Variants in ARRDC2 observed in about 807,000 individuals in gnomAD.
ARRDC2 encodes arrestin domain-containing protein 2.
Under a neutral mutation model 38.9 loss-of-function variants are expected in ARRDC2, and 39 were observed. The observed-to-expected ratio is 1.00, with a 90% confidence interval of 0.78 to 1.31. The LOEUF is 1.31. Ranked by LOEUF, ARRDC2 falls within the 50% of genes most tolerant of loss-of-function variation. The probability of loss-of-function intolerance (pLI) is 0.00; values close to 1 mark genes in which losing one functional copy is unlikely to be tolerated. For synonymous variants in ARRDC2, 300 were observed against 261.9 expected (o/e 1.15, Z -1.41); for missense variants, 553 against 588.4 (o/e 0.94, Z 0.62).
chr19:18,004,025 G>A (rs370501259), upstream of ARRDC2, among the ~76,000 whole-genome samples: 1 of 149,928 alleles, frequency 6.7e-6, no homozygotes, highest in Non-Finnish European at 1.5e-5. Context: ...CATCCACCTC[G>A]GCCTTCCAAA....
rs759683475 is a variant in ARRDC2 at position 18,012,916 on chromosome 19, G to T, written c.1174G>T (p.Asp392Tyr). 7 of 1,613,788 alleles carry T rather than the reference G, an allele frequency of 4.3e-6. No individual in the cohort carries two copies. Among genetic ancestry groups the T allele is most frequent in the Non-Finnish European group, 5.9e-6 (7 of 1,179,884 alleles). Residue 392 changes from aspartate (D) to tyrosine (Y), a missense_variant, in exon 8 of 8, where the codon GAT (aspartate) becomes TAT (tyrosine). Around this residue, in one of 3 missense-constraint regions of ARRDC2, gnomAD observed 100 missense variants for 107.6 expected, o/e 0.93. Transcript: ENST00000222250. ...TTAATGGGAACATTTCTCTTAGGAGGATCCAAACCCACTCTTGGGGGACAT... is the reference window on the plus strand; with the variant it reads ...TTAATGGGAACATTTCTCTTAGGAGTATCCAAACCCACTCTTGGGGGACAT... Reference protein sequence around the residue: ...YRPPPLYSEEDPNPLLGDMRP... With the variant: ...YRPPPLYSEEYPNPLLGDMRP...
In ARRDC2 at chr19:18,001,319, G is replaced by A. The variant is rs530160304; in HGVS notation, c.5G>A (p.Arg2His). Residue 2 changes from arginine to histidine, a missense_variant, in exon 1 of 8, where the codon CGC (arginine) becomes CAC (histidine). Arg to His is a conservative substitution (Grantham distance 29). Transcript: ENST00000379656. ...CCGTGTCCCCAGCCGCGCGCCATGC[G>A]CTCTGGGGGCGTGCGCAGCTTCGCG... 1.2e-5 allele frequency: 14 copies of A among 1,198,132 alleles called. 1 individual carries two copies. The South Asian group carries it at 4.9e-4, about 42-fold the overall frequency. The allele number at this position is 1,198,132 out of a possible 1,614,324, so 74.2% of individuals were successfully genotyped here.
upstream of ARRDC2, chr19:18,008,069 G>A: frequency 8.7e-7 from 1 of 1,148,058 alleles, no homozygotes; most frequent in Non-Finnish European, 1.1e-6. Context: ...CACGCCCCTT[G>A]TCGCGCTATT....
chr19:18,010,532 C>G, intron 6 of ARRDC2, 40 bp from the exon 7 acceptor site: 1 of 1,607,488 alleles, frequency 6.2e-7, no homozygotes, highest in Non-Finnish European at 8.5e-7. Flanking sequence ...GAGCAGGGCT[C>G]TCTCCTGCCA....
In ARRDC2 at chr19:18,009,764, C is replaced by T. The variant is rs762476061; in HGVS notation, c.593-19C>T. 3.1e-6 allele frequency: 5 copies of T among 1,613,028 alleles called. No homozygotes were observed. Among genetic ancestry groups the T allele is most frequent in the Admixed American group, 1.7e-5 (1 of 59,816 alleles). On this transcript the variant is annotated intron_variant, in intron 4 of 7. Coordinates refer to ENST00000222250, the MANE Select transcript of ARRDC2 (RefSeq NM_015683.2). ...GGTTGCAGGAGGGGAAACTGAGGCC[C>T]CACTGCTCCTTGCTGCAGGAGAGGT...
At chr19:18,008,116 A>AGCCC, upstream of ARRDC2, 8 of 522,490 alleles carry the variant, frequency 1.5e-5, no homozygotes, top group South Asian at 2.0e-5. Context: ...AGAGACGGTG[A>AGCCC]CCCCACCCCC....
intron 1 of ARRDC2, chr19:18,001,618 C>A: frequency 2.3e-6 from 3 of 1,294,650 alleles, no homozygotes; most frequent in South Asian, 2.1e-5. Context: ...GGGACCCCCT[C>A]GGCCGCGACC....
upstream of ARRDC2, chr19:18,008,121 A>AAAAAAAAGCCCCC: frequency 2.7e-6 from 1 of 364,080 alleles, no homozygotes; most frequent in Non-Finnish European, 4.2e-6. Flanking sequence ...CGGTGACCCC[A>AAAAAAAAGCCCCC]CCCCCCCCCG....
upstream of ARRDC2, among the ~76,000 whole-genome samples, chr19:18,004,732 G>T (rs1460495531): frequency 6.7e-6 from 1 of 150,154 alleles, no homozygotes; most frequent in African/African-American, 2.4e-5. Flanking sequence ...GGGTGCAGTG[G>T]CTCACACCTG....
At chr19:18,003,435 TTTTTGTTTTG>T (rs373419036), upstream of ARRDC2, among the ~76,000 whole-genome samples, 1,606 of 149,862 alleles carry the variant, frequency 0.011, 23 homozygotes, top group African/African-American at 0.033. Context: ...CCCGGCTAAC[TTTTTGTTTTG>T]TTTTGTTTTG....
upstream of ARRDC2, among the ~76,000 whole-genome samples, chr19:18,006,646 G>A (rs576828256): frequency 3.1e-4 from 47 of 152,244 alleles, no homozygotes; most frequent in South Asian, 2.1e-3. Flanking sequence ...GAGAGGGAGA[G>A]GGAGAGGGAG....
At chr19:18,010,422 C>T in intron 6 of ARRDC2, 64 bp downstream of exon 6, 1 of 1,572,612 alleles carries the variant, frequency 6.4e-7, no homozygotes, top group South Asian at 1.1e-5. Flanking sequence ...GATGCCGGGT[C>T]AACTCTCTCA....
At chr19:18,010,851 G>C (rs918942322) in intron 7 of ARRDC2, 122 bp downstream of exon 7, 9 of 1,113,682 alleles carry the variant, frequency 8.1e-6, no homozygotes, top group African/African-American at 1.6e-5. Context: ...GTCTTGCTCT[G>C]TCACCCAGGC....
At chr19:18,011,665 A>G (rs2033414348) in intron 7 of ARRDC2, among the ~76,000 whole-genome samples, 1 of 151,902 alleles carries the variant, frequency 6.6e-6, no homozygotes, top group Non-Finnish European at 1.5e-5. Context: ...CAGAAGTATA[A>G]GACCAACCTG....
Position 18,009,975 on chromosome 19 carries a change from G to A in ARRDC2, c.785G>A (p.Arg262Gln), listed in dbSNP as rs115826747. 1,480 of 1,603,204 alleles carry A rather than the reference G, an allele frequency of 9.2e-4. 8 individuals are homozygous for A. In the African/African-American group the frequency reaches 0.011, roughly 12 times the overall value. ...QRALWQGRAL[R>Q]IPPVGPSILH... ...GCGCTGTGGCAGGGCCGGGCACTGCGGATCCCCCCAGTGGGTCCTTCCATC... is the reference window on the plus strand; with the variant it reads ...GCGCTGTGGCAGGGCCGGGCACTGCAGATCCCCCCAGTGGGTCCTTCCATC... The change falls in exon 5 of 8, where the codon CGG becomes CAG. Residue 262 changes from arginine (R) to glutamine (Q), a missense_variant. This residue lies in a region of ARRDC2 where 447 missense variants were observed against 456.6 expected (regional missense o/e 0.98). Transcript: ENST00000222250.
At chr19:18,010,783 G>A in intron 7 of ARRDC2, 54 bp downstream of exon 7, 27 of 1,579,560 alleles carry the variant, frequency 1.7e-5, no homozygotes, top group Non-Finnish European at 2.3e-5. Context: ...TGGGAGCCTT[G>A]ATGGGGTGGC....
intron 2 of ARRDC2, 55 bp from the exon 3 acceptor site, chr19:18,008,916 C>T (rs1426465294): frequency 5.6e-6 from 9 of 1,606,688 alleles, no homozygotes; most frequent in South Asian, 4.4e-5. Flanking sequence ...GTCTCCTTCT[C>T]CCTGCCTGCT....
At chr19:18,006,190 T>C (rs8106016), upstream of ARRDC2, among the ~76,000 whole-genome samples, 45,504 of 140,204 alleles carry the variant, frequency 0.32, 8,229 homozygotes, top group African/African-American at 0.54. Flanking sequence ...CGATGGGCGG[T>C]CAGGCAGAGA....
rs113375710 is a variant in ARRDC2, at chr19:18,010,436, C to T, written c.1012+78C>T. 161 of 1,562,492 alleles carry T rather than the reference C, an allele frequency of 1.0e-4. 1 individual carries two copies. Among genetic ancestry groups the T allele is most frequent in the African/African-American group, 4.6e-4 (34 of 74,066 alleles). ...GGATGCCGGGTCAACTCTCTCACCA[C>T]GAGTCCCCCGGAATCCCAACCAAAG... On this transcript the variant is annotated intron_variant, in intron 6 of 7. Coordinates refer to ENST00000222250, the MANE Select transcript of ARRDC2 (RefSeq NM_015683.2).
Sources: gnomAD v4.1 joint callset for allele counts (sites outside exome capture counted in the v4.1 genomes callset) on GRCh38, gnomAD v4.1.1 for gene constraint, gnomAD v4.1.1 regional missense constraint, MANE v1.5 for transcripts, NCBI Gene and HGNC (gene_info 2026-07-23, HGNC 2026-07-21) for gene names.